ST8SIA6: variants seen among roughly 807,000 people sequenced by gnomAD.
The protein encoded by ST8SIA6 is ST8 alpha-N-acetyl-neuraminide alpha-2,8-sialyltransferase 6, also known as alpha-2,8-sialyltransferase 8F.
A neutral mutation model predicts 33.6 loss-of-function variants in ST8SIA6; 39 were observed. The observed-to-expected ratio is 1.16, with a 90% CI of 0.90 to 1.52. The LOEUF is 1.52. ST8SIA6 is among the 40% of genes most tolerant of loss of function. The probability of loss-of-function intolerance (pLI) is 0.00; values close to 1 mark genes in which losing one functional copy is unlikely to be tolerated. For synonymous variants in ST8SIA6, 172 were observed against 167.2 expected (o/e 1.03, Z -0.22); for missense variants, 441 against 443.8 (o/e 0.99, Z 0.06).
intron 4 of ST8SIA6, among the ~76,000 whole-genome samples, chr10:17,335,658 G>T (rs530488143): frequency 1.3e-5 from 2 of 151,990 alleles, no homozygotes; most frequent in Non-Finnish European, 2.9e-5. Flanking sequence ...TAACAAAAGA[G>T]AAAAAATGAA....
At position 17,352,284 on chromosome 10, in the gene ST8SIA6, T is replaced by C. The variant is rs184635606; in HGVS notation, c.377+7230A>G. ...TTTCCCTTAACAGCTAATGCGTACA[T>C]TGATATTGTTCAGTTTGTAAAAGAC... is the stretch of plus-strand genomic sequence containing the variant. On this transcript the variant is annotated intron_variant, in intron 4 of 7. Coordinates refer to ENST00000377602, the MANE Select transcript of ST8SIA6 (RefSeq NM_001004470.3). 1.6e-4 allele frequency among the ~76,000 whole-genome samples: 24 copies of C among 152,292 alleles called. No homozygotes were observed. In the East Asian group the frequency reaches 3.1e-3, roughly 20 times the overall value.
At chr10:17,337,959 T>C (rs193046730) in intron 4 of ST8SIA6, among the ~76,000 whole-genome samples, 1 of 151,550 alleles carries the variant, frequency 6.6e-6, no homozygotes, top group Admixed American at 6.6e-5. Context: ...CTTAACCTGG[T>C]AAAACACTGT....
intron 3 of ST8SIA6, among the ~76,000 whole-genome samples, chr10:17,374,764 T>TATATATATATGTATATATATATACAC (rs1441288579): frequency 7.9e-6 from 1 of 126,848 alleles, no homozygotes; most frequent in Non-Finnish European, 1.7e-5. Context: ...TATATATATA[T>TATATATATATGTATATATATATACAC]ATATTTAGCT....
chr10:17,444,114 C>T (rs1852609818), intron 2 of ST8SIA6, among the ~76,000 whole-genome samples: 1 of 152,208 alleles, frequency 6.6e-6, no homozygotes, highest in East Asian at 1.9e-4. Context: ...AGATATCCTT[C>T]CTGCCTCCCC....
At chr10:17,404,422 C>T (rs17140999) in intron 2 of ST8SIA6, among the ~76,000 whole-genome samples, 2,654 of 152,212 alleles carry the variant, frequency 0.017, 79 homozygotes, top group African/African-American at 0.06. Flanking sequence ...AATTCTGAGT[C>T]TATGGGAGCT....
chr10:17,448,610 CTTGTTG>C (rs76416073), intron 2 of ST8SIA6, among the ~76,000 whole-genome samples: 2 of 120,384 alleles, frequency 1.7e-5, no homozygotes, highest in African/African-American at 5.7e-5. Flanking sequence ...TGTTGTTGTT[CTTGTTG>C]TTGTTGTTGT....
At chr10:17,430,020 A>G (rs941979010) in intron 2 of ST8SIA6, among the ~76,000 whole-genome samples, 1 of 152,044 alleles carries the variant, frequency 6.6e-6, no homozygotes, top group African/African-American at 2.4e-5. Flanking sequence ...CATTGTACCT[A>G]TGTGTAGTTT....
intron 2 of ST8SIA6, among the ~76,000 whole-genome samples, chr10:17,434,794 A>T (rs984920327): frequency 2.6e-5 from 4 of 152,158 alleles, no homozygotes; most frequent in African/African-American, 9.7e-5. Flanking sequence ...AACTTGGGTA[A>T]AGTAAATAAT....
intron 3 of ST8SIA6, among the ~76,000 whole-genome samples, chr10:17,360,955 G>GA (rs1849366766): frequency 1.6e-5 from 2 of 126,226 alleles, no homozygotes; most frequent in South Asian, 2.6e-4. Flanking sequence ...GAAGAAGAAG[G>GA]AGGAGGAGGA....
chr10:17,443,296 G>T (rs192663958), intron 2 of ST8SIA6, among the ~76,000 whole-genome samples: 6 of 152,140 alleles, frequency 3.9e-5, no homozygotes, highest in Non-Finnish European at 8.8e-5. Context: ...GGAAATAAGG[G>T]GATATAATCT....
chr10:17,377,465 A>T (rs1849956670), intron 3 of ST8SIA6, among the ~76,000 whole-genome samples: 1 of 152,238 alleles, frequency 6.6e-6, no homozygotes, highest in Non-Finnish European at 1.5e-5. Context: ...TGTTTATTCA[A>T]CAAAAATTAA....
chr10:17,389,404 A>G (rs559302041), intron 3 of ST8SIA6, among the ~76,000 whole-genome samples: 1 of 152,306 alleles, frequency 6.6e-6, no homozygotes, highest in South Asian at 2.1e-4. Context: ...ATAAAGCAAG[A>G]TGAAACTCGG....
intron 2 of ST8SIA6, among the ~76,000 whole-genome samples, chr10:17,437,889 C>G (rs1852339128): frequency 6.6e-6 from 1 of 152,074 alleles, no homozygotes; most frequent in African/African-American, 2.4e-5. Flanking sequence ...CACCACCATG[C>G]CCAGCTAATT....
At chr10:17,449,012 C>T (rs113655403) in intron 2 of ST8SIA6, among the ~76,000 whole-genome samples, 17 of 151,028 alleles carry the variant, frequency 1.1e-4, no homozygotes, top group African/African-American at 3.9e-4. Flanking sequence ...AAAGTCTTCA[C>T]CTAAATGACT....
At chr10:17,437,662 C>CTTCCTTCGTTCTTTCT (rs753255469) in intron 2 of ST8SIA6, among the ~76,000 whole-genome samples, 1 of 109,158 alleles carries the variant, frequency 9.2e-6, no homozygotes, top group African/African-American at 3.5e-5. Flanking sequence ...TCCTTCCTTC[C>CTTCCTTCGTTCTTTCT]TTCTGTCTCT....
intron 2 of ST8SIA6, among the ~76,000 whole-genome samples, chr10:17,449,058 A>T (rs1852823914): frequency 6.6e-6 from 1 of 151,820 alleles, no homozygotes; most frequent in Admixed American, 6.6e-5. Flanking sequence ...ATGTAATTAT[A>T]AACAGTTTAG....
At chr10:17,346,617 A>C (rs559409642) in intron 4 of ST8SIA6, among the ~76,000 whole-genome samples, 10 of 152,226 alleles carry the variant, frequency 6.6e-5, no homozygotes, top group South Asian at 2.1e-4. Flanking sequence ...ACAACAACAA[A>C]AAAATTCCCC....
Position 17,358,741 on chromosome 10 carries a change from A to AGAT in ST8SIA6, c.377+772_377+773insATC, listed in dbSNP as rs112418442. On this transcript the variant is annotated intron_variant, in intron 4 of 7. Coordinates refer to ENST00000377602, the MANE Select transcript of ST8SIA6 (RefSeq NM_001004470.3). Reference sequence around the variant, plus strand: ...AGAAAGAAGAAGAGGAAGAGGAAAAAGGAGGAGGAGGAGGAAAGAAGAAGA... The same window carrying AGAT: ...AGAAAGAAGAAGAGGAAGAGGAAAAAGATGGAGGAGGAGGAGGAAAGAAGAAGA... Among the ~76,000 whole-genome samples, 359 of 125,800 alleles carry AGAT rather than the reference A, an allele frequency of 2.9e-3. 7 individuals carry two copies. The highest frequency in any genetic ancestry group is 0.011 in the African/African-American group (345 of 31,378). 82.5% of individuals were successfully genotyped at this position (125,800 alleles called of 152,430 possible). A position where few individuals can be genotyped will look rare whatever the true frequency, so the allele number is the denominator to read the frequency against.
chr10:17,321,070 A>G lies in ST8SIA6; in HGVS notation c.1005T>C (p.Cys335=). The change falls in exon 8 of 8, where the codon TGT becomes TGC. Residue 335 remains cysteine (C), a synonymous_variant. Transcript: ENST00000377602. ...LMITSVAVEL[C]KNVKLYGFWP... is the part of the protein sequence containing the mutation. ...AGAATCCATACAGCTTCACATTTTTACACAGTTCCACTGCAACACTTGTGA... is the reference window on the plus strand; with the variant it reads ...AGAATCCATACAGCTTCACATTTTTGCACAGTTCCACTGCAACACTTGTGA... The G allele has an allele frequency of 1.9e-6, 3 of 1,614,098 alleles. No homozygotes were observed. The highest frequency in any genetic ancestry group is 2.5e-6 in the Non-Finnish European group (3 of 1,179,992).
Sources: gnomAD v4.1 joint callset for allele counts (sites outside exome capture counted in the v4.1 genomes callset) on GRCh38, gnomAD v4.1.1 for gene constraint, MANE v1.5 for transcripts, NCBI Gene and HGNC (gene_info 2026-07-23, HGNC 2026-07-21) for gene names.